Variants in TRIM4 observed in about 807,000 individuals in gnomAD.
The protein encoded by TRIM4 is E3 ubiquitin-protein ligase TRIM4.
TRIM4 carries 29 observed loss-of-function variants against 33.7 expected under a neutral mutation model. The ratio of observed to expected loss-of-function variants is 0.86; its 90% CI spans 0.64 to 1.17. The LOEUF is 1.17. TRIM4 is among the 50% of genes most tolerant of loss of function. The pLI, the probability that TRIM4 is intolerant of heterozygous loss-of-function variation, is 0.00. For missense variants in TRIM4, 554 were observed against 593.7 expected (o/e 0.93, Z 0.69); for synonymous variants, 224 against 233.0 (o/e 0.96, Z 0.35).
Position 99,919,079 on chromosome 7 carries a change from A to G in TRIM4, c.323T>C (p.Val108Ala), listed in dbSNP as rs1363630401. The change falls in exon 1 of 6, where the codon GTG (valine) becomes GCG (alanine). Residue 108 changes from valine (V) to alanine (A), a missense_variant. By Grantham distance (64) the Val-to-Ala change is moderately conservative. Transcript: ENST00000349062. ...CEDDQRPVCLVCRESQEHQTH... is the reference protein window; with the variant it reads ...CEDDQRPVCLACRESQEHQTH... ...CTGGTGCTCCTGGGACTCCCTGCAC[A>G]CCAGGCACACTGGCCGCTGGTCGTC... The G allele has an allele frequency of 6.4e-7, 1 of 1,555,574 alleles. No homozygotes were observed. Among genetic ancestry groups the G allele is most frequent in the East Asian group, 2.5e-5 (1 of 39,782 alleles).
At chr7:99,916,263 C>G (rs1441376085) in intron 1 of TRIM4, among the ~76,000 whole-genome samples, 1 of 152,152 alleles carries the variant, frequency 6.6e-6, no homozygotes, top group Non-Finnish European at 1.5e-5. Flanking sequence ...GGCTACCAAC[C>G]ATTGGTGTTT....
intron 5 of TRIM4, among the ~76,000 whole-genome samples, chr7:99,894,631 C>T (rs1052308130): frequency 2.5e-4 from 38 of 151,378 alleles, no homozygotes; most frequent in African/African-American, 7.8e-4. Context: ...TGCACCACTG[C>T]GCCCCAGCCT....
chr7:99,917,876 C>T (rs1819591714), intron 1 of TRIM4: 1 of 984,232 alleles, frequency 1.0e-6, no homozygotes, highest in Non-Finnish European at 1.2e-6. Flanking sequence ...AAGCTAAAAG[C>T]TAAAAGGATC....
chr7:99,908,444 A>T, intron 3 of TRIM4, 138 bp downstream of exon 3: 1 of 701,980 alleles, frequency 1.4e-6, no homozygotes, highest in Non-Finnish European at 2.4e-6. Flanking sequence ...TTGGCTTTTT[A>T]GTTATGTGAC....
rs1027706905 is a variant in TRIM4, at chr7:99,919,254, G to A, written c.148C>T (p.Pro50Ser). The A allele has an allele frequency of 1.9e-6, 3 of 1,543,374 alleles. No homozygotes were observed. The highest frequency in any genetic ancestry group is 2.6e-6 in the Non-Finnish European group (3 of 1,144,346). The change falls in exon 1 of 6, where the codon CCC (proline) becomes TCC (serine). Residue 50 changes from proline to serine, a missense_variant. Transcript: ENST00000349062. ...GGCGCCGATGGGTGCCGACATTCGG[G>A]GCAGGGGAACGGGCCGCCGCCCGGC... ...WAPGGGPFPC[P>S]ECRHPSAPAA...
chr7:99,906,795 A>G (rs1584268135), intron 3 of TRIM4, among the ~76,000 whole-genome samples: 1 of 152,282 alleles, frequency 6.6e-6, no homozygotes, highest in East Asian at 1.9e-4. Context: ...GCAGTGAGCT[A>G]TGAGCACACC....
At position 99,896,609 on chromosome 7, in the gene TRIM4, G is replaced by A. The variant is rs183582188; in HGVS notation, c.842-3863C>T. Among the ~76,000 whole-genome samples the A allele has an allele frequency of 1.5e-4, 23 of 152,318 alleles. No homozygotes were observed. In the East Asian group the frequency reaches 4.0e-3, roughly 27 times the overall value. ...TCTCAGACACAGTGCCATCCGTACT[G>A]AAATCAATAGGGGTCTAGCACAACA... On this transcript the variant is annotated intron_variant, in intron 5 of 5. Coordinates refer to ENST00000349062, the MANE Select transcript of TRIM4 (RefSeq NM_033091.3).
At chr7:99,897,769 T>C (rs1027856880) in intron 5 of TRIM4, among the ~76,000 whole-genome samples, 2 of 152,188 alleles carry the variant, frequency 1.3e-5, no homozygotes, top group East Asian at 1.9e-4. Flanking sequence ...CCCACTGTCT[T>C]ACTCTGGCCA....
chr7:99,910,027 T>C, intron 1 of TRIM4, among the ~76,000 whole-genome samples: 1 of 151,368 alleles, frequency 6.6e-6, no homozygotes, highest in East Asian at 1.9e-4. Flanking sequence ...CCACCACGCC[T>C]GGCAACTTCA....
intron 3 of TRIM4, 22 bp from the exon 4 acceptor site, chr7:99,903,620 A>G (rs750473005): frequency 8.7e-6 from 14 of 1,614,074 alleles, no homozygotes; most frequent in East Asian, 6.7e-5. Context: ...AGGAAGACAT[A>G]AGCAAATTAC....
At chr7:99,898,891 G>A (rs1192716949) in intron 5 of TRIM4, among the ~76,000 whole-genome samples, 1 of 152,168 alleles carries the variant, frequency 6.6e-6, no homozygotes, top group Admixed American at 6.5e-5. Flanking sequence ...ATCTTATCAA[G>A]TGCTTGGAAA....
intron 5 of TRIM4, among the ~76,000 whole-genome samples, chr7:99,895,710 T>G (rs536969590): frequency 6.6e-6 from 1 of 152,368 alleles, no homozygotes; most frequent in South Asian, 2.1e-4. Context: ...CTTAATATGT[T>G]TGAAGCACTG....
intron 5 of TRIM4, among the ~76,000 whole-genome samples, chr7:99,900,615 T>A (rs1819141568): frequency 6.6e-6 from 1 of 152,240 alleles, no homozygotes; most frequent in South Asian, 2.1e-4. Flanking sequence ...CCTTTAAGAC[T>A]TCCTTTCTTG....
intron 5 of TRIM4, 82 bp from the exon 6 acceptor site, chr7:99,892,828 T>C: frequency 8.3e-7 from 1 of 1,206,408 alleles, no homozygotes; most frequent in East Asian, 2.4e-5. Flanking sequence ...CCAGCATCAG[T>C]TTCATCTTTC....
chr7:99,918,308 C>T (rs1819603575), intron 1 of TRIM4, among the ~76,000 whole-genome samples: 1 of 152,128 alleles, frequency 6.6e-6, no homozygotes, highest in African/African-American at 2.4e-5. Context: ...TGACTCACAC[C>T]TTAATCCCAG....
intron 3 of TRIM4, among the ~76,000 whole-genome samples, chr7:99,906,917 T>A (rs1300134169): frequency 1.3e-5 from 2 of 152,100 alleles, no homozygotes; most frequent in Non-Finnish European, 2.9e-5. Context: ...GCAGCATTAT[T>A]TGTAGTGGTA....
chr7:99,909,723 C>CTTTTTT (rs1366631168), intron 1 of TRIM4, 63 bp from the exon 2 acceptor site: 3 of 692,564 alleles, frequency 4.3e-6, no homozygotes, highest in Non-Finnish European at 4.3e-6. Context: ...CTTCTTTTTT[C>CTTTTTT]TTTTTGTTTT....
chr7:99,910,123 C>CTAT (rs1819406649), intron 1 of TRIM4, among the ~76,000 whole-genome samples: 1 of 152,142 alleles, frequency 6.6e-6, no homozygotes. Flanking sequence ...ATGATAAGAA[C>CTAT]TATTCTGGTC....
chr7:99,897,517 T>G (rs1819045958), intron 5 of TRIM4, among the ~76,000 whole-genome samples: 1 of 152,204 alleles, frequency 6.6e-6, no homozygotes, highest in South Asian at 2.1e-4. Context: ...ACTGTATACA[T>G]GTATTGAAAC....
Sources: gnomAD v4.1 joint callset for allele counts (sites outside exome capture counted in the v4.1 genomes callset) on GRCh38, gnomAD v4.1.1 for gene constraint, MANE v1.5 for transcripts, NCBI Gene and HGNC (gene_info 2026-07-23, HGNC 2026-07-21) for gene names.